Variants in CCDC175 observed in about 807,000 individuals in gnomAD.
CCDC175 encodes coiled-coil domain-containing protein 175.
Under a neutral mutation model 114.6 loss-of-function variants are expected in CCDC175, and 100 were observed. That is an observed-to-expected ratio of 0.87 (90% CI 0.74 to 1.03). The LOEUF (loss-of-function observed/expected upper bound fraction) is 1.03, where lower values mean the gene tolerates loss of function less well. Among genes scored for constraint, CCDC175 ranks in the 50% least tolerant of loss-of-function variants. The pLI, the probability that CCDC175 is intolerant of heterozygous loss-of-function variation, is 0.00. For missense variants in CCDC175, 880 were observed against 917.8 expected (o/e 0.96, Z 0.53); for synonymous variants, 306 against 308.7 (o/e 0.99, Z 0.09).
chr14:59,575,824 A>G (rs905547918), intron 1 of CCDC175, among the ~76,000 whole-genome samples: 2 of 152,196 alleles, frequency 1.3e-5, no homozygotes, highest in Non-Finnish European at 2.9e-5. Flanking sequence ...TCTTCATGAT[A>G]ACATTTACCC....
rs1161907568 is a variant in CCDC175, at chr14:59,563,774, A to G, written c.806T>C (p.Met269Thr). The change falls in exon 6 of 20, where the codon ATG becomes ACG. Residue 269 changes from methionine to threonine, a missense_variant. By Grantham distance (81) the Met-to-Thr change is moderately conservative. Transcript: ENST00000537690. ...AGTAACTGTTTCTTTTATTTTTGAC[A>G]TTTTAGTTTGTAATTTATCCAATTC... ...KKELDKLQTK[M>T]SKIKETVTVS... is the part of the protein sequence containing the mutation. 6.9e-7 allele frequency: 1 copy of G among 1,439,126 alleles called. No individual in the cohort carries two copies. 89.1% of individuals were successfully genotyped at this position (1,439,126 alleles called of 1,614,324 possible). A position where few individuals can be genotyped will look rare whatever the true frequency, so the allele number is the denominator to read the frequency against.
intron 7 of CCDC175, among the ~76,000 whole-genome samples, chr14:59,555,881 T>C (rs1443587296): frequency 1.3e-5 from 2 of 152,008 alleles, no homozygotes; most frequent in Non-Finnish European, 2.9e-5. Context: ...TCAAAGAGAA[T>C]AAAATACCTA....
chr14:59,550,751 C>G (rs1480581527), intron 8 of CCDC175, among the ~76,000 whole-genome samples: 1 of 152,096 alleles, frequency 6.6e-6, no homozygotes, highest in Non-Finnish European at 1.5e-5. Flanking sequence ...CTAAGCTGGT[C>G]TAGTCTTTTC....
chr14:59,508,399 T>TACACACACCACAC, intron 19 of CCDC175, among the ~76,000 whole-genome samples: 1 of 97,374 alleles, frequency 1.0e-5, no homozygotes, highest in Non-Finnish European at 1.9e-5. Context: ...GTCTCCAAAA[T>TACACACACCACAC]ACACACACAC....
At chr14:59,557,319 A>C (rs1895962293) in intron 7 of CCDC175, among the ~76,000 whole-genome samples, 1 of 152,018 alleles carries the variant, frequency 6.6e-6, no homozygotes, top group Admixed American at 6.6e-5. Flanking sequence ...CTTTGTAGGG[A>C]CATGGATGAA....
At chr14:59,533,202 C>G (rs112924477) in intron 13 of CCDC175, among the ~76,000 whole-genome samples, 1 of 152,178 alleles carries the variant, frequency 6.6e-6, no homozygotes, top group Admixed American at 6.5e-5. Context: ...TTGGACGTAT[C>G]TTCCAGATTT....
intron 18 of CCDC175, among the ~76,000 whole-genome samples, 178 bp downstream of exon 18, chr14:59,511,582 G>A (rs1455258367): frequency 1.6e-5 from 2 of 125,670 alleles, no homozygotes; most frequent in African/African-American, 2.9e-5. Context: ...CATTTTAGGA[G>A]GTGGTGGTCA....
At chr14:59,520,681 C>T (rs1053899273) in intron 17 of CCDC175, among the ~76,000 whole-genome samples, 3 of 152,102 alleles carry the variant, frequency 2.0e-5, no homozygotes, top group Non-Finnish European at 4.4e-5. Flanking sequence ...TAAAAAGGAG[C>T]AAACTAGTGA....
chr14:59,545,130 C>T, intron 9 of CCDC175, 33 bp downstream of exon 9: 1 of 1,524,182 alleles, frequency 6.6e-7, no homozygotes, highest in Non-Finnish European at 8.8e-7. Flanking sequence ...ATAATGATGG[C>T]ATGTTGAATC....
intron 7 of CCDC175, among the ~76,000 whole-genome samples, chr14:59,552,978 T>A (rs1895623016): frequency 6.6e-6 from 1 of 152,152 alleles, no homozygotes; most frequent in South Asian, 2.1e-4. Flanking sequence ...AAAGACCACA[T>A]CTACGTCTGA....
Position 59,531,842 on chromosome 14 carries a change from T to C in CCDC175, c.1692A>G (p.Gln564=). The C allele has an allele frequency of 7.0e-7, 1 of 1,430,454 alleles. No individual in the cohort carries two copies. The highest frequency in any genetic ancestry group is 9.5e-7 in the Non-Finnish European group (1 of 1,052,668). 88.6% of individuals were successfully genotyped at this position (1,430,454 alleles called of 1,614,324 possible). A position where few individuals can be genotyped will look rare whatever the true frequency, so the allele number is the denominator to read the frequency against. Residue 564 remains glutamine, a synonymous_variant, in exon 14 of 20, where the codon CAA becomes CAG. Coordinates refer to ENST00000537690, the MANE Select transcript of CCDC175 (RefSeq NM_001164399.2). ...TATACTCTTGTTCTGCCACCTGAAG[T>C]TGTGGAAGATACTCAACTAGTTCTT... ...KEEELVEYLP[Q]LQVAEQEYKE...
At chr14:59,516,076 A>G (rs1054276135) in intron 17 of CCDC175, among the ~76,000 whole-genome samples, 1 of 152,242 alleles carries the variant, frequency 6.6e-6, no homozygotes, top group African/African-American at 2.4e-5. Flanking sequence ...TACTGGGTAC[A>G]TAACGAAATG....
chr14:59,562,891 T>C (rs1170183368), intron 6 of CCDC175, among the ~76,000 whole-genome samples: 1 of 152,164 alleles, frequency 6.6e-6, no homozygotes, highest in Non-Finnish European at 1.5e-5. Flanking sequence ...AATGCACATA[T>C]TTGGGAGAAA....
Position 59,542,623 on chromosome 14 carries a change from C to T in CCDC175, c.1283+721G>A, listed in dbSNP as rs926380993. Among the ~76,000 whole-genome samples the T allele has an allele frequency of 2.6e-5, 4 of 152,008 alleles. No homozygotes were observed. The East Asian group carries it at 7.7e-4, about 29-fold the overall frequency. On this transcript the variant is annotated intron_variant, in intron 10 of 19. Transcript: ENST00000537690. Reference sequence around the variant, plus strand: ...ATTATACTATAATCTGCATAGAATACTATGCAGTTAGAGAAAAGATTGAGA... The same window carrying T: ...ATTATACTATAATCTGCATAGAATATTATGCAGTTAGAGAAAAGATTGAGA...
At chr14:59,509,597 C>T (rs573911582) in intron 19 of CCDC175, among the ~76,000 whole-genome samples, 40 of 152,266 alleles carry the variant, frequency 2.6e-4, no homozygotes, top group African/African-American at 9.1e-4. Context: ...ACTGCAGGCT[C>T]GACCTCCCAG....
intron 7 of CCDC175, among the ~76,000 whole-genome samples, chr14:59,556,787 C>A (rs1895925712): frequency 1.3e-5 from 2 of 152,176 alleles, no homozygotes; most frequent in South Asian, 4.1e-4. Context: ...CAAACAACAC[C>A]ATCAAAAAGT....
rs547147551 is a variant in CCDC175 at position 59,521,382 on chromosome 14, G to A, written c.2098+192C>T. Among the ~76,000 whole-genome samples, 15 of 152,290 alleles carry A rather than the reference G, an allele frequency of 9.8e-5. No homozygotes were observed. The East Asian group carries it at 2.9e-3, about 29-fold the overall frequency. ...CACTGTTGGCTTCCCTACTTGTGAGGCTTTGGGACTCTGACGGATCCACCA... is the reference window on the plus strand; with the variant it reads ...CACTGTTGGCTTCCCTACTTGTGAGACTTTGGGACTCTGACGGATCCACCA... On this transcript the variant is annotated intron_variant, in intron 17 of 19. Coordinates refer to ENST00000537690, the MANE Select transcript of CCDC175 (RefSeq NM_001164399.2).
At chr14:59,527,297 G>A in intron 14 of CCDC175, 123 bp from the exon 15 acceptor site, 2 of 539,166 alleles carry the variant, frequency 3.7e-6, no homozygotes, top group South Asian at 2.8e-5. Context: ...CAACTGTCAG[G>A]CACTCCACAA....
At chr14:59,547,340 A>G (rs1015398048) in intron 8 of CCDC175, among the ~76,000 whole-genome samples, 1 of 152,232 alleles carries the variant, frequency 6.6e-6, no homozygotes, top group Non-Finnish European at 1.5e-5. Flanking sequence ...CACAATCCCA[A>G]TCAAAATCCA....
Sources: allele counts gnomAD v4.1 joint callset (sites outside exome capture counted in the v4.1 genomes callset), GRCh38; gene constraint gnomAD v4.1.1; transcripts MANE v1.5; gene names NCBI Gene and HGNC (gene_info 2026-07-23, HGNC 2026-07-21).